Variants in THEMIS2 observed in about 807,000 individuals in gnomAD.
THEMIS2 encodes thymocyte selection associated family member 2, also known as protein THEMIS2.
In THEMIS2, 29 loss-of-function variants were observed where a neutral mutation model predicts 46.8. The observed-to-expected ratio is 0.62, with a 90% CI of 0.46 to 0.84. THEMIS2 has a LOEUF of 0.84. THEMIS2 is among the 40% of genes least tolerant of loss of function. The pLI is 0.00. For missense variants in THEMIS2, 698 were observed against 834.7 expected (o/e 0.84, Z 2.02); for synonymous variants, 335 against 349.1 (o/e 0.96, Z 0.45).
rs367945520 is a variant in THEMIS2, at chr1:27,880,082, G to A, written c.646+28G>A. The A allele has an allele frequency of 2.6e-5, 40 of 1,553,990 alleles. No individual in the cohort carries two copies. The Middle Eastern group carries it at 8.6e-4, about 33-fold the overall frequency. ...GAGTTGCCTGGGCAGATGGATGCGC[G>A]CTGCTGGGGGAGAGAAAGAGGGTTG... On this transcript the variant is annotated intron_variant, in intron 3 of 5. Coordinates refer to ENST00000373921, the MANE Select transcript of THEMIS2 (RefSeq NM_001105556.3).
chr1:27,885,103 T>G (rs543343886), intron 4 of THEMIS2, 192 bp from the exon 5 acceptor site: 23 of 572,862 alleles, frequency 4.0e-5, no homozygotes, highest in African/African-American at 4.0e-4. Flanking sequence ...TCTACCCTGA[T>G]CCCTTTCTCC....
intron 1 of THEMIS2, 116 bp from the exon 2 acceptor site, chr1:27,876,472 G>A (rs747530055): frequency 3.2e-5 from 42 of 1,309,398 alleles, no homozygotes; most frequent in Admixed American, 2.3e-4. Context: ...GGGCATGCCA[G>A]GCAGCAGGCA....
At chr1:27,876,495 G>T in intron 1 of THEMIS2, 93 bp from the exon 2 acceptor site, 3 of 1,490,414 alleles carry the variant, frequency 2.0e-6, no homozygotes, top group Non-Finnish European at 1.8e-6. Context: ...ATGTGCAAAG[G>T]CATGGCAGAG....
Position 27,882,901 on chromosome 1 carries a change from C to A in THEMIS2, c.1577C>A (p.Ala526Asp), listed in dbSNP as rs751424753. The part of the protein sequence containing the change: ...PDLPEGSLPI[A>D]TVEELTDTFY... ...TTGCCAGAGGGGTCTCTCCCCATAGCCACAGTGGAGGAGCTGACAGACACC... is the reference window on the plus strand; with the variant it reads ...TTGCCAGAGGGGTCTCTCCCCATAGACACAGTGGAGGAGCTGACAGACACC... The change falls in exon 4 of 6, where the codon GCC (alanine) becomes GAC (aspartate). Residue 526 changes from alanine to aspartate, a missense_variant. By Grantham distance (126) the Ala-to-Asp change is moderately radical (BLOSUM62 -2). Coordinates refer to ENST00000373921, the MANE Select transcript of THEMIS2 (RefSeq NM_001105556.3). The surrounding 1 kb of genome is among the most constrained non-coding windows in gnomAD (Gnocchi z 7.6). The A allele has an allele frequency of 2.5e-6, 4 of 1,613,974 alleles. No homozygotes were observed. Among genetic ancestry groups the A allele is most frequent in the Non-Finnish European group, 3.4e-6 (4 of 1,179,996 alleles).
chr1:27,872,769 AT>A lies in THEMIS2; in HGVS notation c.94+105del. ...CCGGGGAAACTGCCCCTGGGTTCAAATCCCGACACTGCCACTGGCCAAGCTG... is the reference window on the plus strand; with the variant it reads ...CCGGGGAAACTGCCCCTGGGTTCAAACCCGACACTGCCACTGGCCAAGCTG... On this transcript the variant is annotated intron_variant, in intron 1 of 5. Coordinates refer to ENST00000373921, the MANE Select transcript of THEMIS2 (RefSeq NM_001105556.3). The surrounding 1 kb of genome is among the most constrained non-coding windows in gnomAD (Gnocchi z 4.9). The A allele has an allele frequency of 2.2e-6, 2 of 924,628 alleles. No homozygotes were observed. Among genetic ancestry groups the A allele is most frequent in the Middle Eastern group, 5.6e-4 (2 of 3,558 alleles). 57.3% of individuals were successfully genotyped at this position (924,628 alleles called of 1,614,324 possible). A position where few individuals can be genotyped will look rare whatever the true frequency, so the allele number is the denominator to read the frequency against.
intron 1 of THEMIS2, among the ~76,000 whole-genome samples, chr1:27,875,553 G>A (rs1166503524): frequency 6.6e-6 from 1 of 152,184 alleles, no homozygotes; most frequent in Non-Finnish European, 1.5e-5. Flanking sequence ...GCTGGGTTCA[G>A]GTGGCCTCAA....
chr1:27,885,167 G>A (rs1557455567), intron 4 of THEMIS2, 128 bp from the exon 5 acceptor site: 2 of 966,126 alleles, frequency 2.1e-6, no homozygotes, highest in South Asian at 1.7e-5. Flanking sequence ...GGTCTTGAGA[G>A]GTCATAGCCT....
At chr1:27,873,071 C>T (rs999186529) in intron 1 of THEMIS2, among the ~76,000 whole-genome samples, 3 of 152,032 alleles carry the variant, frequency 2.0e-5, no homozygotes, top group African/African-American at 7.2e-5. Flanking sequence ...CACTCCTCCC[C>T]CGGCCCTCCT....
chr1:27,872,694 A>G lies in THEMIS2; in HGVS notation c.94+29A>G. On this transcript the variant is annotated intron_variant, in intron 1 of 5. Transcript: ENST00000373921. The surrounding 1 kb of genome is among the most constrained non-coding windows in gnomAD (Gnocchi z 4.9). ...AGCGGGGGCTGGAACCCCTCCGAGC[A>G]CTCCCTTGGTGTGGGGCGGGGGCAG... 1 of 1,296,428 alleles carries G rather than the reference A, an allele frequency of 7.7e-7. No homozygotes were observed. The highest frequency in any genetic ancestry group is 2.0e-4 in the Middle Eastern group (1 of 4,886). 80.3% of individuals were successfully genotyped at this position (1,296,428 alleles called of 1,614,324 possible).
rs368669630 is a variant in THEMIS2 at position 27,882,039 on chromosome 1, C to T, written c.715C>T (p.Arg239Trp). 9.3e-6 allele frequency: 15 copies of T among 1,614,028 alleles called. No homozygotes were observed. The highest frequency in any genetic ancestry group is 2.2e-5 in the East Asian group (1 of 44,874). The change falls in exon 4 of 6, where the codon CGG becomes TGG. Residue 239 changes from arginine (R) to tryptophan (W), a missense_variant. By Grantham distance (101) the Arg-to-Trp change is moderately radical. Transcript: ENST00000373921. This position sits in a 1 kb window ranked among gnomAD's most constrained non-coding sequence, Gnocchi z 7.6. ...VDVEDVTASS[R>W]HVHFIKPLLL... ...CGTGGAGGACGTCACCGCCTCCTCC[C>T]GGCACGTCCACTTTATCAAACCGCT...
intron 1 of THEMIS2, among the ~76,000 whole-genome samples, chr1:27,875,613 T>C (rs924183148): frequency 1.3e-5 from 2 of 152,224 alleles, no homozygotes; most frequent in Non-Finnish European, 2.9e-5. Context: ...GGAGAGACTG[T>C]GCACTCGTGT....
Position 27,882,725 on chromosome 1 carries a change from C to T in THEMIS2, c.1401C>T (p.Asp467=). The part of the protein sequence containing the change: ...VVAKDTSHPT[D]PLTSFLGLRL... ...CCAAGGACACCAGCCACCCCACTGA[C>T]CCTCTGACCTCCTTCCTGGGCCTGC... The change falls in exon 4 of 6, where the codon GAC becomes GAT. Residue 467 remains aspartate (D), a synonymous_variant. Transcript: ENST00000373921. The surrounding 1 kb of genome is among the most constrained non-coding windows in gnomAD (Gnocchi z 7.6). 6.2e-7 allele frequency: 1 copy of T among 1,613,940 alleles called. No homozygotes were observed. Among genetic ancestry groups the T allele is most frequent in the Non-Finnish European group, 8.5e-7 (1 of 1,179,996 alleles).
In THEMIS2 at chr1:27,872,545, G is replaced by A. The variant is rs1311959705; in HGVS notation, c.-27G>A. The A allele has an allele frequency of 1.4e-6, 2 of 1,469,546 alleles. No homozygotes were observed. The highest frequency in any genetic ancestry group is 1.8e-6 in the Non-Finnish European group (2 of 1,112,722). The allele number at this position is 1,469,546 out of a possible 1,614,324, so 91.0% of individuals were successfully genotyped here. A position where few individuals can be genotyped will look rare whatever the true frequency, so the allele number is the denominator to read the frequency against. ...CCGGGGACCGCCCGCCCGCCCCTCA[G>A]TCTGAGCCCAGAGAGCCGCGGGGAC... On this transcript the variant is annotated 5_prime_UTR_variant, in exon 1 of 6. Transcript: ENST00000373921. The surrounding 1 kb of genome is among the most constrained non-coding windows in gnomAD (Gnocchi z 4.9).
chr1:27,882,905 A>G lies in THEMIS2; in HGVS notation c.1581A>G (p.Thr527=). 1 of 1,613,954 alleles carries G rather than the reference A, an allele frequency of 6.2e-7. No individual in the cohort carries two copies. The highest frequency in any genetic ancestry group is 8.5e-7 in the Non-Finnish European group (1 of 1,179,990). ...CAGAGGGGTCTCTCCCCATAGCCAC[A>G]GTGGAGGAGCTGACAGACACCTTCT... ...DLPEGSLPIA[T]VEELTDTFYY... The change falls in exon 4 of 6, where the codon ACA becomes ACG. Residue 527 remains threonine, a synonymous_variant. Transcript: ENST00000373921. The surrounding 1 kb of genome is among the most constrained non-coding windows in gnomAD (Gnocchi z 7.6).
intron 1 of THEMIS2, among the ~76,000 whole-genome samples, chr1:27,875,536 G>A (rs1387054718): frequency 6.6e-6 from 1 of 152,100 alleles, no homozygotes; most frequent in African/African-American, 2.4e-5. Context: ...GCTGCCCTGT[G>A]GGTGGGGCTG....
At chr1:27,877,793 C>T (rs375617052) in intron 2 of THEMIS2, among the ~76,000 whole-genome samples, 16 of 152,000 alleles carry the variant, frequency 1.1e-4, no homozygotes, top group African/African-American at 3.4e-4. Context: ...GTAATGAGGG[C>T]GATTAGGCTT....
At position 27,872,680 on chromosome 1, in the gene THEMIS2, GA is replaced by G; in HGVS notation, c.94+17del. The G allele has an allele frequency of 7.4e-7, 1 of 1,354,054 alleles. No homozygotes were observed. The highest frequency in any genetic ancestry group is 9.5e-7 in the Non-Finnish European group (1 of 1,047,964). 83.9% of individuals were successfully genotyped at this position (1,354,054 alleles called of 1,614,324 possible). A position where few individuals can be genotyped will look rare whatever the true frequency, so the allele number is the denominator to read the frequency against. On this transcript the variant is annotated intron_variant, in intron 1 of 5. Transcript: ENST00000373921. This position sits in a 1 kb window ranked among gnomAD's most constrained non-coding sequence, Gnocchi z 4.9. ...CTACTTCGAGGGTGAGCGGGGGCTG[GA>G]ACCCCTCCGAGCACTCCCTTGGTGT...
At position 27,882,414 on chromosome 1, in the gene THEMIS2, G is replaced by C; in HGVS notation, c.1090G>C (p.Glu364Gln). The change falls in exon 4 of 6, where the codon GAG becomes CAG. Residue 364 changes from glutamate to glutamine, a missense_variant. Glu to Gln is a conservative substitution (Grantham distance 29). Coordinates refer to ENST00000373921, the MANE Select transcript of THEMIS2 (RefSeq NM_001105556.3). The surrounding 1 kb of genome is among the most constrained non-coding windows in gnomAD (Gnocchi z 7.6). ...DCEGEREENP[E>Q]FTSLAVGDRL... ...TGAGGGCGAGAGGGAGGAGAATCCC[G>C]AGTTCACGTCCCTGGCTGTGGGTGA... The C allele has an allele frequency of 1.2e-6, 2 of 1,611,246 alleles. No individual in the cohort carries two copies. The highest frequency in any genetic ancestry group is 1.7e-6 in the Non-Finnish European group (2 of 1,178,072).
chr1:27,881,046 C>G (rs369958466), intron 3 of THEMIS2, among the ~76,000 whole-genome samples: 14 of 151,998 alleles, frequency 9.2e-5, no homozygotes, highest in African/African-American at 3.1e-4. Flanking sequence ...TCCCAGAGTG[C>G]TGGGATTACA....
Sources: gnomAD v4.1 joint callset for allele counts (sites outside exome capture counted in the v4.1 genomes callset) on GRCh38, gnomAD v4.1.1 for gene constraint, Gnocchi (gnomAD v3.1) non-coding constraint, MANE v1.5 for transcripts, NCBI Gene and HGNC (gene_info 2026-07-23, HGNC 2026-07-21) for gene names.